CTIF: variants seen among roughly 807,000 people sequenced by gnomAD.
CTIF encodes cap binding complex dependent translation initiation factor.
Under a neutral mutation model 66.0 loss-of-function variants are expected in CTIF, and 21 were observed. The ratio of observed to expected loss-of-function variants is 0.32; its 90% CI spans 0.23 to 0.46. The LOEUF (loss-of-function observed/expected upper bound fraction) is 0.46. Ranked by LOEUF, CTIF falls within the 20% of genes least tolerant of loss-of-function variation. The pLI is 1.00. For missense variants in CTIF, 739 were observed against 812.7 expected, an observed-to-expected ratio of 0.91 and a Z score of 1.10; for synonymous variants, 345 against 326.4, an observed-to-expected ratio of 1.06 and a Z score of -0.62.
chr18:48,701,528 C>CATCCCCCAGCCACACTGGGG (rs1331716552), intron 6 of CTIF, among the ~76,000 whole-genome samples: 12 of 63,446 alleles, frequency 1.9e-4, no homozygotes, highest in African/African-American at 9.6e-4. Flanking sequence ...CCAGTGCCTC[C>CATCCCCCAGCCACACTGGGG]GTCCCCCAGC....
chr18:48,584,286 C>A (rs1036340202), intron 1 of CTIF, among the ~76,000 whole-genome samples: 1 of 152,222 alleles, frequency 6.6e-6, no homozygotes, highest in South Asian at 2.1e-4. Flanking sequence ...GGAAGCCTTT[C>A]TGTGTCACCC....
At chr18:48,772,895 T>C (rs1910306965) in intron 9 of CTIF, among the ~76,000 whole-genome samples, 1 of 152,236 alleles carries the variant, frequency 6.6e-6, no homozygotes, top group Non-Finnish European at 1.5e-5. Flanking sequence ...TCTTTAGCTT[T>C]TTGAGTATCT....
intron 2 of CTIF, among the ~76,000 whole-genome samples, chr18:48,634,313 G>A (rs998210738): frequency 3.9e-5 from 6 of 152,084 alleles, no homozygotes; most frequent in Non-Finnish European, 8.8e-5. Context: ...GGCTAAAGTG[G>A]CATCTGATGG....
At chr18:48,577,167 GGA>G (rs1186271309) in intron 1 of CTIF, among the ~76,000 whole-genome samples, 1 of 152,206 alleles carries the variant, frequency 6.6e-6, no homozygotes, top group African/African-American at 2.4e-5. Flanking sequence ...CCTGAGGCGG[GGA>G]GTTTGGGTAG....
At chr18:48,741,732 G>A (rs1244496680) in intron 7 of CTIF, among the ~76,000 whole-genome samples, 1 of 152,066 alleles carries the variant, frequency 6.6e-6, no homozygotes, top group Non-Finnish European at 1.5e-5. Context: ...GCCGACCAAG[G>A]CCATCTTTAA....
At chr18:48,583,185 C>T (rs1356256751) in intron 1 of CTIF, among the ~76,000 whole-genome samples, 1 of 152,164 alleles carries the variant, frequency 6.6e-6, no homozygotes, top group Non-Finnish European at 1.5e-5. Context: ...CCACACATGA[C>T]CTGGCCATGG....
At chr18:48,735,597 G>A (rs538001356) in intron 7 of CTIF, among the ~76,000 whole-genome samples, 74 of 152,250 alleles carry the variant, frequency 4.9e-4, no homozygotes, top group Non-Finnish European at 1.2e-4. Context: ...GGAAGGAGGT[G>A]AGGACAGGGT....
rs550552040 is a variant in CTIF, at chr18:48,767,577, C to A, written c.1371+5888C>A. On this transcript the variant is annotated intron_variant, in intron 9 of 11. Coordinates refer to ENST00000256413, the MANE Select transcript of CTIF (RefSeq NM_014772.3). ...CCCAGCTCTCCCTAGCAACCGTTGCCAACAACACATCTAACAGAAGGATGC... is the reference window on the plus strand; with the variant it reads ...CCCAGCTCTCCCTAGCAACCGTTGCAAACAACACATCTAACAGAAGGATGC... Among the ~76,000 whole-genome samples, 3 of 151,994 alleles carry A rather than the reference C, an allele frequency of 2.0e-5. No homozygotes were observed. The South Asian group carries it at 6.2e-4, about 32-fold the overall frequency.
In CTIF at chr18:48,712,906, G is replaced by T. The variant is rs567416593; in HGVS notation, c.584+1211G>T. On this transcript the variant is annotated intron_variant, in intron 7 of 11. Coordinates refer to ENST00000256413, the MANE Select transcript of CTIF (RefSeq NM_014772.3). ...AGTGGATCTGAACACATTCACAGAG[G>T]ATGGCAAATGTATAAGTAGCTTGGG... is the stretch of plus-strand genomic sequence containing the variant. Among the ~76,000 whole-genome samples, 10 of 152,374 alleles carry T rather than the reference G, an allele frequency of 6.6e-5. No individual in the cohort carries two copies. In the South Asian group the frequency reaches 1.9e-3, roughly 28 times the overall value.
chr18:48,690,159 A>G (rs1236202427), intron 6 of CTIF, among the ~76,000 whole-genome samples: 15 of 151,322 alleles, frequency 9.9e-5, no homozygotes, highest in Admixed American at 9.2e-4. Context: ...CCCCATCTCC[A>G]CCCCACCCCG....
chr18:48,626,796 C>G (rs533943568), intron 2 of CTIF, among the ~76,000 whole-genome samples: 1 of 151,952 alleles, frequency 6.6e-6, no homozygotes. Flanking sequence ...GCTGTGATTA[C>G]AGGTGCCTGC....
At chr18:48,678,416 C>G (rs72909763) in intron 6 of CTIF, among the ~76,000 whole-genome samples, 27,207 of 151,918 alleles carry the variant, frequency 0.18, 2,918 homozygotes, top group Non-Finnish European at 0.24. Flanking sequence ...CAGCCACCTC[C>G]CCACCCCCAA....
intron 6 of CTIF, among the ~76,000 whole-genome samples, chr18:48,699,392 ATGGGGCTGGGGCTGGGGC>A (rs61519043): frequency 1.1e-4 from 12 of 104,692 alleles, no homozygotes; most frequent in African/African-American, 1.6e-4. Flanking sequence ...AAGTGCCAGC[ATGGGGCTGGGGCTGGGGC>A]TGGGGCTGGG....
At chr18:48,587,075 CTTTTTT>C (rs778079682) in intron 1 of CTIF, among the ~76,000 whole-genome samples, 67 of 128,008 alleles carry the variant, frequency 5.2e-4, no homozygotes, top group African/African-American at 1.9e-3. Flanking sequence ...AAGCCACATT[CTTTTTT>C]TTTTTTTTTT....
chr18:48,833,784 G>A (rs753940723), intron 10 of CTIF, among the ~76,000 whole-genome samples: 1 of 152,192 alleles, frequency 6.6e-6, no homozygotes, highest in Non-Finnish European at 1.5e-5. Flanking sequence ...CTCTGGATGG[G>A]GGGCTTCCCA....
At chr18:48,781,107 A>G (rs1033774857) in intron 9 of CTIF, among the ~76,000 whole-genome samples, 2 of 152,116 alleles carry the variant, frequency 1.3e-5, no homozygotes, top group African/African-American at 4.8e-5. Flanking sequence ...AATGACCCCA[A>G]AGGGTTTGCT....
chr18:48,794,953 A>G (rs2067880299), intron 9 of CTIF, among the ~76,000 whole-genome samples: 1 of 152,070 alleles, frequency 6.6e-6, no homozygotes, highest in South Asian at 2.1e-4. Flanking sequence ...AGGGTGGGTG[A>G]GTAGATGGAT....
At chr18:48,551,861 G>A (rs1403878856) in intron 1 of CTIF, among the ~76,000 whole-genome samples, 3 of 151,832 alleles carry the variant, frequency 2.0e-5, no homozygotes, top group African/African-American at 7.3e-5. Context: ...GTAGTGGCGC[G>A]ATGTCGGCTC....
intron 9 of CTIF, among the ~76,000 whole-genome samples, chr18:48,763,825 C>T (rs1435978329): frequency 1.3e-5 from 2 of 152,162 alleles, no homozygotes; most frequent in Non-Finnish European, 2.9e-5. Flanking sequence ...TTCTCATGCT[C>T]CTGAGGCCTT....
Sources: allele counts gnomAD v4.1 joint callset (sites outside exome capture counted in the v4.1 genomes callset), GRCh38; gene constraint gnomAD v4.1.1; transcripts MANE v1.5; gene names NCBI Gene and HGNC (gene_info 2026-07-23, HGNC 2026-07-21).